The following ATP8A2 variants were observed in gnomAD, a reference collection of about 807,000 sequenced individuals.
The protein encoded by ATP8A2 is ATPase phospholipid transporting 8A2, also known as phospholipid-transporting ATPase IB.
Under a neutral mutation model 165.6 loss-of-function variants are expected in ATP8A2, and 100 were observed. The observed-to-expected ratio is 0.60, with a 90% CI of 0.51 to 0.71. The LOEUF is 0.71. Among genes scored for constraint, ATP8A2 ranks in the 30% least tolerant of loss-of-function variants. The pLI, the probability that ATP8A2 is intolerant of heterozygous loss-of-function variation, is 0.00. For synonymous variants in ATP8A2, 543 were observed against 548.8 expected, an observed-to-expected ratio of 0.99 and a Z score of 0.15; for missense variants, 1,227 against 1,479.5, an observed-to-expected ratio of 0.83 and a Z score of 2.80.
rs1955839436 is a variant in ATP8A2 at position 25,968,618 on chromosome 13, G to A, written c.3316G>A (p.Glu1106Lys). 1 of 1,613,954 alleles carries A rather than the reference G, an allele frequency of 6.2e-7. No individual in the cohort carries two copies. The highest frequency in any genetic ancestry group is 2.2e-5 in the East Asian group (1 of 44,890). ...CKKTLLEEVQELETKSRVLGK... is the reference protein window; with the variant it reads ...CKKTLLEEVQKLETKSRVLGK... ...AAAGACATTGCTGGAGGAGGTGCAG[G>A]AGCTGGAAACCAAGTCTCGAGTCCT... Residue 1106 changes from glutamate (E) to lysine (K), a missense_variant, in exon 35 of 37, where the codon GAG (glutamate) becomes AAG (lysine). By Grantham distance (56) the Glu-to-Lys change is moderately conservative. Transcript: ENST00000381655.
chr13:25,782,187 A>T (rs55666226), intron 27 of ATP8A2, among the ~76,000 whole-genome samples: 2,058 of 152,334 alleles, frequency 0.014, 40 homozygotes, highest in African/African-American at 0.045. Flanking sequence ...CCTAATAGCT[A>T]AGCTTTCCTC....
rs766028171 is a variant in ATP8A2 at position 25,463,661 on chromosome 13, C to T, written c.77-5316C>T. ...ACGCACACATTCCAAGTGAGTGAAA[C>T]GATGAGGAATTTGAGTCATTCAGTA... On this transcript the variant is annotated intron_variant, in intron 1 of 36. Coordinates refer to ENST00000381655, the MANE Select transcript of ATP8A2 (RefSeq NM_016529.6). 5.3e-5 allele frequency among the ~76,000 whole-genome samples: 8 copies of T among 152,070 alleles called. No individual in the cohort carries two copies. The East Asian group carries it at 5.8e-4, about 11-fold the overall frequency.
intron 12 of ATP8A2, 22 bp from the exon 13 acceptor site, chr13:25,554,969 T>C: frequency 6.8e-7 from 1 of 1,480,556 alleles, no homozygotes; most frequent in Non-Finnish European, 9.4e-7. Flanking sequence ...TGAAATCCTG[T>C]CTCTTGTTCT....
chr13:25,959,488 A>G (rs946084418), intron 33 of ATP8A2, among the ~76,000 whole-genome samples: 2 of 152,214 alleles, frequency 1.3e-5, no homozygotes, highest in African/African-American at 4.8e-5. Context: ...TACAAAAATG[A>G]TGGTATCTAC....
intron 2 of ATP8A2, among the ~76,000 whole-genome samples, chr13:25,526,759 G>A (rs2037853603): frequency 1.3e-5 from 2 of 152,292 alleles, no homozygotes; most frequent in South Asian, 4.1e-4. Context: ...CAGAGTTGGG[G>A]ATAGTAGTCC....
chr13:25,474,501 G>A (rs937086628), intron 2 of ATP8A2, among the ~76,000 whole-genome samples: 3 of 151,290 alleles, frequency 2.0e-5, no homozygotes, highest in African/African-American at 4.9e-5. Context: ...GGCAGAGCTT[G>A]CAGTGAGCAG....
At chr13:25,437,290 T>G (rs1362284904) in intron 1 of ATP8A2, among the ~76,000 whole-genome samples, 1 of 152,200 alleles carries the variant, frequency 6.6e-6, no homozygotes, top group Admixed American at 6.5e-5. Context: ...GCACCAGAGC[T>G]TTCAAAGATG....
At chr13:25,456,392 T>A (rs1377547749) in intron 1 of ATP8A2, among the ~76,000 whole-genome samples, 1 of 152,220 alleles carries the variant, frequency 6.6e-6, no homozygotes, top group Non-Finnish European at 1.5e-5. Flanking sequence ...ATAAGCAGAA[T>A]AATTCTAATG....
intron 16 of ATP8A2, among the ~76,000 whole-genome samples, chr13:25,564,722 G>A (rs913279734): frequency 1.4e-4 from 22 of 152,128 alleles, no homozygotes; most frequent in African/African-American, 4.6e-4. Flanking sequence ...GGGAAAAATT[G>A]TATTGAGGAA....
chr13:25,612,222 C>T (rs1345264899), intron 24 of ATP8A2, among the ~76,000 whole-genome samples: 1 of 151,874 alleles, frequency 6.6e-6, no homozygotes, highest in Non-Finnish European at 1.5e-5. Context: ...GGGTTGTGAG[C>T]TTAGATGGTC....
chr13:25,616,221 G>A (rs962254674), intron 24 of ATP8A2, among the ~76,000 whole-genome samples: 26 of 151,846 alleles, frequency 1.7e-4, no homozygotes, highest in African/African-American at 6.3e-4. Context: ...CCAAACCCAT[G>A]CCACCCAACA....
At position 25,843,561 on chromosome 13, in the gene ATP8A2, G is replaced by C. The variant is rs568299464; in HGVS notation, c.2956+3937G>C. Among the ~76,000 whole-genome samples the C allele has an allele frequency of 9.9e-5, 15 of 152,260 alleles. No individual in the cohort carries two copies. In the South Asian group the frequency reaches 2.9e-3, roughly 29 times the overall value. On this transcript the variant is annotated intron_variant, in intron 30 of 36. Transcript: ENST00000381655. Reference sequence around the variant, plus strand: ...CTTCCACTATGTGGGAATATAGCTAGAAGACATCACCTATGAGGAATGGGC... The same window carrying C: ...CTTCCACTATGTGGGAATATAGCTACAAGACATCACCTATGAGGAATGGGC...
At chr13:25,500,040 A>G (rs1487754015) in intron 2 of ATP8A2, among the ~76,000 whole-genome samples, 4 of 152,236 alleles carry the variant, frequency 2.6e-5, no homozygotes, top group Non-Finnish European at 5.9e-5. Context: ...CCCATGGTTC[A>G]GCAAGGCGTG....
chr13:25,829,668 G>GTATGTATGTATATATATA (rs1951406164), intron 28 of ATP8A2, among the ~76,000 whole-genome samples: 2 of 63,394 alleles, frequency 3.2e-5, no homozygotes, highest in African/African-American at 1.2e-4. Context: ...GACAGGTGTG[G>GTATGTATGTATATATATA]TATATATATA....
intron 24 of ATP8A2, among the ~76,000 whole-genome samples, chr13:25,597,949 T>A (rs921376524): frequency 6.6e-6 from 1 of 152,140 alleles, no homozygotes; most frequent in Non-Finnish European, 1.5e-5. Context: ...CTAAGAGATA[T>A]GTACTTACTC....
At chr13:25,580,895 G>A (rs1163812740) in intron 22 of ATP8A2, among the ~76,000 whole-genome samples, 1 of 151,656 alleles carries the variant, frequency 6.6e-6, no homozygotes, top group African/African-American at 2.4e-5. Flanking sequence ...TCCTTTGTTG[G>A]TTTAAAAAAA....
chr13:25,401,896 G>A (rs1308557321), intron 1 of ATP8A2, among the ~76,000 whole-genome samples: 6 of 151,910 alleles, frequency 3.9e-5, no homozygotes, highest in Admixed American at 6.6e-5. Flanking sequence ...TCACTCTGTC[G>A]CCCAGGCTGG....
chr13:25,667,916 T>A (rs1410438700), intron 24 of ATP8A2, among the ~76,000 whole-genome samples: 1 of 152,206 alleles, frequency 6.6e-6, no homozygotes, highest in African/African-American at 2.4e-5. Flanking sequence ...GGTGCCAGTG[T>A]AGCTTCAATA....
At chr13:25,762,268 CAA>C (rs59081934) in intron 25 of ATP8A2, among the ~76,000 whole-genome samples, 3 of 41,308 alleles carry the variant, frequency 7.3e-5, no homozygotes, top group Non-Finnish European at 1.1e-4. Context: ...GACTCTGTCT[CAA>C]AAAAAAAAAA....
Sources: gnomAD v4.1 joint callset for allele counts (sites outside exome capture counted in the v4.1 genomes callset) on GRCh38, gnomAD v4.1.1 for gene constraint, MANE v1.5 for transcripts, NCBI Gene and HGNC (gene_info 2026-07-23, HGNC 2026-07-21) for gene names.